SMAD2: variants seen among roughly 807,000 people sequenced by gnomAD.
The protein encoded by SMAD2 is MAD homolog 2.
SMAD2 carries 8 observed loss-of-function variants against 64.4 expected under a neutral mutation model. The ratio of observed to expected loss-of-function variants is 0.12; its 90% CI spans 0.07 to 0.22. The LOEUF (loss-of-function observed/expected upper bound fraction) is 0.22. Among genes scored for constraint, SMAD2 ranks in the 10% least tolerant of loss-of-function variants. SMAD2 has a pLI of 1.00. For synonymous variants in SMAD2, 203 were observed against 195.8 expected, an observed-to-expected ratio of 1.04 and a Z score of -0.31; for missense variants, 289 against 561.2, an observed-to-expected ratio of 0.51 and a Z score of 4.90.
chr18:47,921,902 GTGTC>G (rs761027562), intron 1 of SMAD2, among the ~76,000 whole-genome samples: 28 of 152,292 alleles, frequency 1.8e-4, no homozygotes, highest in Admixed American at 1.7e-3. Flanking sequence ...GGCCTAACTT[GTGTC>G]TGTGTCATTT....
At chr18:47,900,819 CCAT>C (rs1160151008) in intron 1 of SMAD2, among the ~76,000 whole-genome samples, 2 of 152,096 alleles carry the variant, frequency 1.3e-5, no homozygotes, top group African/African-American at 4.8e-5. Context: ...TTTCTAATAG[CCAT>C]CATAAATTCT....
intron 2 of SMAD2, among the ~76,000 whole-genome samples, chr18:47,881,912 C>G (rs2032615140): frequency 6.6e-6 from 1 of 152,090 alleles, no homozygotes; most frequent in Non-Finnish European, 1.5e-5. Context: ...GGGTCTTGCT[C>G]TGTCACCCAA....
intron 6 of SMAD2, among the ~76,000 whole-genome samples, chr18:47,862,845 T>G (rs2031285467): frequency 6.6e-6 from 1 of 152,210 alleles, no homozygotes; most frequent in African/African-American, 2.4e-5. Flanking sequence ...ACAAATATGT[T>G]CATAAAAATC....
rs1251890229 is a variant in SMAD2, at chr18:47,835,123, G to T, written c.*6704C>A. ...CTTTCTTTACTCTTTTGTATAAAAG[G>T]TTAGTGTCACAGCTTCACTATCACT... On this transcript the variant is annotated 3_prime_UTR_variant, in exon 11 of 11. Transcript: ENST00000262160. 1 of 220,868 alleles carries T rather than the reference G, an allele frequency of 4.5e-6. No individual in the cohort carries two copies. The highest frequency in any genetic ancestry group is 6.6e-5 in the East Asian group (1 of 15,168). 13.7% of individuals were successfully genotyped at this position (220,868 alleles called of 1,614,324 possible).
chr18:47,870,480 T>C lies in SMAD2; in HGVS notation c.321A>G (p.Gln107=), dbSNP rs2031865618. ...DTTGLYSFSE[Q]TRSLDGRLQV... The stretch of plus-strand genomic sequence containing the variant: ...ACAGAGGGCAGAATATTCACCTGGT[T>C]TGTTCAGAGAAGCTGTAAAGGCCTG... The change falls in exon 3 of 11, where the codon CAA becomes CAG. Residue 107 remains glutamine, a synonymous_variant. Coordinates refer to ENST00000262160, the MANE Select transcript of SMAD2 (RefSeq NM_005901.6). 6.2e-7 allele frequency: 1 copy of C among 1,609,942 alleles called. No homozygotes were observed. The highest frequency in any genetic ancestry group is 8.5e-7 in the Non-Finnish European group (1 of 1,176,394).
chr18:47,909,120 C>G (rs2034021438), intron 1 of SMAD2, among the ~76,000 whole-genome samples: 1 of 150,992 alleles, frequency 6.6e-6, no homozygotes, highest in Admixed American at 6.6e-5. Context: ...GCTAGGCCAA[C>G]AGGTGTGAAG....
In SMAD2 at chr18:47,814,259, A is replaced by T. The variant is rs1912298973; in HGVS notation, c.*27568T>A. Reference sequence around the variant, plus strand: ...GAAAGGAGAGGGTGTGTACTAGAGTAACAGCACAGTTGCTACTCAGCTGTG... The same window carrying T: ...GAAAGGAGAGGGTGTGTACTAGAGTTACAGCACAGTTGCTACTCAGCTGTG... On this transcript the variant is annotated 3_prime_UTR_variant, in exon 11 of 11. Transcript: ENST00000262160. The T allele has an allele frequency of 6.6e-6, 1 of 152,198 alleles. No individual in the cohort carries two copies. Among genetic ancestry groups the T allele is most frequent in the Non-Finnish European group, 1.5e-5 (1 of 68,050 alleles). The allele number at this position is 152,198 out of a possible 1,614,324, so 9.4% of individuals were successfully genotyped here.
intron 1 of SMAD2, among the ~76,000 whole-genome samples, chr18:47,908,963 A>G (rs1377594798): frequency 6.6e-6 from 1 of 152,148 alleles, no homozygotes; most frequent in Non-Finnish European, 1.5e-5. Context: ...AAATCATGAC[A>G]TTACAAGAAA....
intron 2 of SMAD2, among the ~76,000 whole-genome samples, chr18:47,885,075 G>C (rs1227774566): frequency 6.7e-6 from 1 of 149,014 alleles, no homozygotes; most frequent in Non-Finnish European, 1.5e-5. Context: ...ACACTGAAAG[G>C]GTTCAGGTAC....
rs574245521 is a variant in SMAD2 at position 47,846,118 on chromosome 18, G to C, written c.998-318C>G. Among the ~76,000 whole-genome samples, 22 of 152,194 alleles carry C rather than the reference G, an allele frequency of 1.4e-4. No individual in the cohort carries two copies. In the East Asian group the frequency reaches 3.3e-3, roughly 23 times the overall value. ...ATAAGTAAAAGATTGAGTTAATTTTGAAGGAATTCACTAATGTTTGGAGAA... is the reference window on the plus strand; with the variant it reads ...ATAAGTAAAAGATTGAGTTAATTTTCAAGGAATTCACTAATGTTTGGAGAA... On this transcript the variant is annotated intron_variant, in intron 8 of 10. Coordinates refer to ENST00000262160, the MANE Select transcript of SMAD2 (RefSeq NM_005901.6).
rs1233301710 is a variant in SMAD2 at position 47,841,804 on chromosome 18, C to T, written c.*23G>A. On this transcript the variant is annotated 3_prime_UTR_variant, in exon 11 of 11. Transcript: ENST00000262160. ...GAAGAGTTGTTACATTAAGTCTTTTCATGGGACTTGATTGGTGAAGCTTTA... is the reference window on the plus strand; with the variant it reads ...GAAGAGTTGTTACATTAAGTCTTTTTATGGGACTTGATTGGTGAAGCTTTA... 6.2e-7 allele frequency: 1 copy of T among 1,613,940 alleles called. No homozygotes were observed. The highest frequency in any genetic ancestry group is 8.5e-7 in the Non-Finnish European group (1 of 1,179,856).
chr18:47,892,448 C>A (rs551344071), intron 2 of SMAD2, among the ~76,000 whole-genome samples: 11 of 152,210 alleles, frequency 7.2e-5, no homozygotes, highest in Non-Finnish European at 1.3e-4. Context: ...GATCTGCCTG[C>A]CTCGGCCTCC....
At chr18:47,885,191 TC>T (rs1217501248) in intron 2 of SMAD2, among the ~76,000 whole-genome samples, 15 of 106,834 alleles carry the variant, frequency 1.4e-4, no homozygotes, top group African/African-American at 3.2e-4. Context: ...ACATATACCC[TC>T]CCCCCCCAAG....
intron 2 of SMAD2, among the ~76,000 whole-genome samples, chr18:47,880,606 T>C (rs575705646): frequency 2.0e-5 from 3 of 152,228 alleles, no homozygotes; most frequent in Admixed American, 6.5e-5. Context: ...GTTTACTGCA[T>C]GGTAATTCCA....
Position 47,820,896 on chromosome 18 carries a change from TACAC to T in SMAD2, c.*20927_*20930del, listed in dbSNP as rs57448043. 21,826 of 147,876 alleles carry T rather than the reference TACAC, an allele frequency of 0.15. 1,849 individuals are homozygous for T. The highest frequency in any genetic ancestry group is 0.23 in the Middle Eastern group (66 of 288). 9.2% of individuals were successfully genotyped at this position (147,876 alleles called of 1,614,324 possible). ...TAGTGTAAATGCTATACATGCACTA[TACAC>T]ACACACACACACACACACACACACA... is the stretch of plus-strand genomic sequence containing the variant. On this transcript the variant is annotated 3_prime_UTR_variant, in exon 11 of 11. Coordinates refer to ENST00000262160, the MANE Select transcript of SMAD2 (RefSeq NM_005901.6).
At position 47,839,704 on chromosome 18, in the gene SMAD2, G is replaced by A. The variant is rs371533936; in HGVS notation, c.*2123C>T. The A allele has an allele frequency of 8.6e-6, 2 of 233,220 alleles. No individual in the cohort carries two copies. The highest frequency in any genetic ancestry group is 1.8e-4 in the South Asian group (1 of 5,524). The allele number at this position is 233,220 out of a possible 1,614,324, so 14.4% of individuals were successfully genotyped here. A position where few individuals can be genotyped will look rare whatever the true frequency, so the allele number is the denominator to read the frequency against. On this transcript the variant is annotated 3_prime_UTR_variant, in exon 11 of 11. Coordinates refer to ENST00000262160, the MANE Select transcript of SMAD2 (RefSeq NM_005901.6). Reference sequence around the variant, plus strand: ...TAGAACCATTCTGATCTTCAAGTTTGGATTTGTATAGAGGTTTCTGTATAA... The same window carrying A: ...TAGAACCATTCTGATCTTCAAGTTTAGATTTGTATAGAGGTTTCTGTATAA...
intron 1 of SMAD2, among the ~76,000 whole-genome samples, chr18:47,925,499 C>T (rs1471095195): frequency 2.0e-5 from 3 of 152,130 alleles, no homozygotes; most frequent in Non-Finnish European, 2.9e-5. Context: ...TCTAAATCCA[C>T]CTGGCTTGGA....
Position 47,840,866 on chromosome 18 carries a change from C to T in SMAD2, c.*961G>A, listed in dbSNP as rs1178976382. 1 of 231,954 alleles carries T rather than the reference C, an allele frequency of 4.3e-6. No homozygotes were observed. Among genetic ancestry groups the T allele is most frequent in the East Asian group, 6.1e-5 (1 of 16,442 alleles). The allele number at this position is 231,954 out of a possible 1,614,324, so 14.4% of individuals were successfully genotyped here. On this transcript the variant is annotated 3_prime_UTR_variant, in exon 11 of 11. Coordinates refer to ENST00000262160, the MANE Select transcript of SMAD2 (RefSeq NM_005901.6). Reference sequence around the variant, plus strand: ...ATATCCCTGAAAATAATTATACTGCCACCTATGCATTTTTTATGAGGTGGA... The same window carrying T: ...ATATCCCTGAAAATAATTATACTGCTACCTATGCATTTTTTATGAGGTGGA...
chr18:47,827,141 A>G lies in SMAD2; in HGVS notation c.*14686T>C, dbSNP rs1459673679. 6.6e-6 allele frequency: 1 copy of G among 152,212 alleles called. No homozygotes were observed. Among genetic ancestry groups the G allele is most frequent in the Non-Finnish European group, 1.5e-5 (1 of 68,034 alleles). 9.4% of individuals were successfully genotyped at this position (152,212 alleles called of 1,614,324 possible). On this transcript the variant is annotated 3_prime_UTR_variant, in exon 11 of 11. Coordinates refer to ENST00000262160, the MANE Select transcript of SMAD2 (RefSeq NM_005901.6). The stretch of plus-strand genomic sequence containing the variant: ...TCCAGCCATTAAAATCCAAAAAAAA[A>G]ATTTGTTCAAAGTAGGCAATTGAGT...
Sources: gnomAD v4.1 joint callset for allele counts (sites outside exome capture counted in the v4.1 genomes callset) on GRCh38, gnomAD v4.1.1 for gene constraint, MANE v1.5 for transcripts, NCBI Gene and HGNC (gene_info 2026-07-23, HGNC 2026-07-21) for gene names.